GRM8: variants seen among roughly 807,000 people sequenced by gnomAD.
GRM8 encodes glutamate metabotropic receptor 8.
In GRM8, 47 loss-of-function variants were observed where a neutral mutation model predicts 87.2. The observed-to-expected ratio is 0.54, with a 90% confidence interval of 0.43 to 0.69. GRM8 has a LOEUF of 0.69. Among genes scored for constraint, GRM8 ranks in the 30% least tolerant of loss-of-function variants. The probability of loss-of-function intolerance (pLI) is 0.00; values close to 1 mark genes in which losing one functional copy is unlikely to be tolerated. For synonymous variants in GRM8, 396 were observed against 404.5 expected (o/e 0.98, Z 0.25); for missense variants, 1,019 against 1,139.2 (o/e 0.89, Z 1.52).
intron 8 of GRM8, among the ~76,000 whole-genome samples, chr7:126,608,138 C>A (rs374121534): frequency 2.0e-5 from 3 of 151,972 alleles, no homozygotes; most frequent in Admixed American, 6.6e-5. Flanking sequence ...TTGCCCTCCC[C>A]ACCCCAGCAT....
chr7:126,444,020 G>A (rs1450109231), intron 10 of GRM8, among the ~76,000 whole-genome samples: 1 of 151,638 alleles, frequency 6.6e-6, no homozygotes, highest in African/African-American at 2.4e-5. Context: ...ATCACTATAA[G>A]TTTGGTTCTT....
chr7:126,504,548 A>T (rs1261035026), intron 9 of GRM8, among the ~76,000 whole-genome samples: 1 of 152,074 alleles, frequency 6.6e-6, no homozygotes, highest in Non-Finnish European at 1.5e-5. Context: ...TCTACTGGGT[A>T]CTATGCCTAT....
chr7:126,613,398 G>A (rs141561455), intron 7 of GRM8, among the ~76,000 whole-genome samples: 119 of 152,202 alleles, frequency 7.8e-4, no homozygotes, highest in African/African-American at 2.7e-3. Context: ...GACAGAGTGG[G>A]GTTCCAAGAT....
At chr7:126,921,211 A>C (rs1804492328) in intron 3 of GRM8, among the ~76,000 whole-genome samples, 1 of 152,226 alleles carries the variant, frequency 6.6e-6, no homozygotes, top group Admixed American at 6.5e-5. Context: ...GGAGGCTAAA[A>C]GAATAGAAAC....
chr7:126,959,120 CAG>C (rs1040639550), intron 3 of GRM8, among the ~76,000 whole-genome samples: 85 of 152,276 alleles, frequency 5.6e-4, no homozygotes, highest in African/African-American at 2.0e-3. Flanking sequence ...GACTTTGAAG[CAG>C]AGAGTGAAGA....
At chr7:126,778,751 AG>A (rs1184739669) in intron 6 of GRM8, among the ~76,000 whole-genome samples, 4 of 152,150 alleles carry the variant, frequency 2.6e-5, no homozygotes, top group Non-Finnish European at 5.9e-5. Context: ...TTCAGCAGAA[AG>A]GACTTCTAAT....
chr7:126,654,912 G>T (rs993386126), intron 7 of GRM8, among the ~76,000 whole-genome samples: 1 of 151,978 alleles, frequency 6.6e-6, no homozygotes, highest in Non-Finnish European at 1.5e-5. Flanking sequence ...AAATATTCAA[G>T]AAAAAAATTA....
chr7:126,533,185 G>A lies in GRM8; in HGVS notation c.2197C>T (p.Pro733Ser). The stretch of plus-strand genomic sequence containing the variant: ...TTGAGCACTCCCCTGGCCTTCTCTG[G>A]ATCTAGTGTCCGCTGCTCTCCATAG... Reference protein sequence around the residue: ...IDYGEQRTLDPEKARGVLKCD... With the variant: ...IDYGEQRTLDSEKARGVLKCD... Residue 733 changes from proline (P) to serine (S), a missense_variant, in exon 9 of 11, where the codon CCA becomes TCA. By Grantham distance (74) the Pro-to-Ser change is moderately conservative. Coordinates refer to ENST00000339582, the MANE Select transcript of GRM8 (RefSeq NM_000845.3). 1 of 1,612,726 alleles carries A rather than the reference G, an allele frequency of 6.2e-7. No individual in the cohort carries two copies. Among genetic ancestry groups the A allele is most frequent in the South Asian group, 1.1e-5 (1 of 90,940 alleles).
Position 127,180,060 on chromosome 7 carries a change from AAG to A in GRM8, c.510+62633_510+62634del, listed in dbSNP as rs1211742268. ...AAACAAAAAAGATAAATGAAACAAA[AAG>A]CTGGTTATTTAAAAAGATAAATAAA... is the stretch of plus-strand genomic sequence containing the variant. On this transcript the variant is annotated intron_variant, in intron 2 of 10. Coordinates refer to ENST00000339582, the MANE Select transcript of GRM8 (RefSeq NM_000845.3). Among the ~76,000 whole-genome samples, 4 of 152,210 alleles carry A rather than the reference AAG, an allele frequency of 2.6e-5. No homozygotes were observed. The East Asian group carries it at 7.7e-4, about 29-fold the overall frequency.
intron 1 of GRM8, among the ~76,000 whole-genome samples, chr7:127,250,236 G>C (rs1798790956): frequency 6.6e-6 from 1 of 152,210 alleles, no homozygotes; most frequent in South Asian, 2.1e-4. Flanking sequence ...ACTTTGAAAA[G>C]AGCACATCTC....
At chr7:126,453,603 G>A (rs1802891891) in intron 9 of GRM8, among the ~76,000 whole-genome samples, 1 of 151,624 alleles carries the variant, frequency 6.6e-6, no homozygotes, top group African/African-American at 2.4e-5. Flanking sequence ...AACCACGTAA[G>A]GAAGCTCAAG....
At chr7:127,041,700 T>C (rs1818446838) in intron 3 of GRM8, among the ~76,000 whole-genome samples, 1 of 152,200 alleles carries the variant, frequency 6.6e-6, no homozygotes, top group Non-Finnish European at 1.5e-5. Context: ...CTGTGTAAAA[T>C]GAAGCTATGT....
At position 126,899,737 on chromosome 7, in the gene GRM8, C is replaced by CTT. The variant is rs5887317; in HGVS notation, c.1156+2803_1156+2804dup. Among the ~76,000 whole-genome samples the CTT allele has an allele frequency of 8.1e-3, 1,201 of 148,196 alleles. 11 individuals carry two copies. The highest frequency in any genetic ancestry group is 0.025 in the African/African-American group (991 of 40,322). The stretch of plus-strand genomic sequence containing the variant: ...TATTCTCTTTCACTAGTTATCCCTT[C>CTT]TTTTTTTTTTTCTGAAAACATGCTT... On this transcript the variant is annotated intron_variant, in intron 6 of 10. Transcript: ENST00000339582.
intron 6 of GRM8, among the ~76,000 whole-genome samples, chr7:126,803,853 A>T (rs1792367893): frequency 6.6e-6 from 1 of 152,260 alleles, no homozygotes; most frequent in Non-Finnish European, 1.5e-5. Flanking sequence ...CACCTGCCTC[A>T]TAGGATTAAA....
At chr7:126,457,883 A>G (rs1341616739) in intron 9 of GRM8, among the ~76,000 whole-genome samples, 2 of 151,174 alleles carry the variant, frequency 1.3e-5, no homozygotes, top group Admixed American at 6.6e-5. Context: ...GTAAAATTAA[A>G]CCACTCACAA....
chr7:126,813,569 G>A (rs1283083606), intron 6 of GRM8, among the ~76,000 whole-genome samples: 1 of 152,036 alleles, frequency 6.6e-6, no homozygotes, highest in Non-Finnish European at 1.5e-5. Flanking sequence ...CATTGGTGGG[G>A]AAGATTTATG....
chr7:126,760,978 C>A (rs942205977), intron 7 of GRM8, among the ~76,000 whole-genome samples: 1 of 152,106 alleles, frequency 6.6e-6, no homozygotes, highest in Non-Finnish European at 1.5e-5. Flanking sequence ...GGGCAGATTG[C>A]CTGAGCTCAG....
At chr7:127,193,946 T>C (rs1795153288) in intron 2 of GRM8, among the ~76,000 whole-genome samples, 1 of 152,192 alleles carries the variant, frequency 6.6e-6, no homozygotes, top group Non-Finnish European at 1.5e-5. Context: ...ACATGAATTA[T>C]ACTTGAAGCA....
At chr7:126,925,627 T>C (rs1197364231) in intron 3 of GRM8, among the ~76,000 whole-genome samples, 8 of 152,214 alleles carry the variant, frequency 5.3e-5, no homozygotes, top group African/African-American at 1.7e-4. Context: ...ATCCATAAAT[T>C]ATTAATGTGC....
Sources: allele counts gnomAD v4.1 joint callset (sites outside exome capture counted in the v4.1 genomes callset), GRCh38; gene constraint gnomAD v4.1.1; transcripts MANE v1.5; gene names NCBI Gene and HGNC (gene_info 2026-07-23, HGNC 2026-07-21).